Variants in RGS5 observed in about 807,000 individuals in gnomAD.
The protein encoded by RGS5 is regulator of G-protein signalling 5.
In RGS5, 20 loss-of-function variants were observed where a neutral mutation model predicts 18.9. The observed-to-expected ratio is 1.06, with a 90% CI of 0.74 to 1.54. The LOEUF (loss-of-function observed/expected upper bound fraction) is 1.54. Ranked by LOEUF, RGS5 falls within the 40% of genes most tolerant of loss-of-function variation. The pLI, the probability that RGS5 is intolerant of heterozygous loss-of-function variation, is 0.00. For synonymous variants in RGS5, 57 were observed against 76.2 expected, an observed-to-expected ratio of 0.75 and a Z score of 1.31; for missense variants, 201 against 211.8, an observed-to-expected ratio of 0.95 and a Z score of 0.32.
chr1:163,221,322 A>T (rs1471195748), upstream of RGS5, among the ~76,000 whole-genome samples: 5 of 152,006 alleles, frequency 3.3e-5, no homozygotes, highest in African/African-American at 1.2e-4. Context: ...ACGTGGTGAA[A>T]CTCCATCTCT....
At chr1:163,319,687 T>C (rs982032154) in intron 1 of RGS5, among the ~76,000 whole-genome samples, 4 of 152,184 alleles carry the variant, frequency 2.6e-5, no homozygotes, top group Admixed American at 2.6e-4. Flanking sequence ...TGGATGCTGA[T>C]AAACCATGCA....
chr1:163,211,841 C>T (rs1483189603), intron 1 of RGS5: 2 of 152,030 alleles, frequency 1.3e-5, no homozygotes, highest in Non-Finnish European at 2.9e-5. Context: ...TGTATTTATC[C>T]TCAAGGTCAG....
At chr1:163,159,689 G>T (rs1657724139) in intron 3 of RGS5, among the ~76,000 whole-genome samples, 3 of 151,842 alleles carry the variant, frequency 2.0e-5, no homozygotes, top group Non-Finnish European at 2.9e-5. Context: ...GTTGCTTTAG[G>T]GAAATTAATT....
upstream of RGS5, among the ~76,000 whole-genome samples, chr1:163,205,933 G>C (rs771409211): frequency 2.0e-5 from 3 of 152,114 alleles, no homozygotes; most frequent in Non-Finnish European, 2.9e-5. Context: ...GTGAACAGAC[G>C]TCTATTCACT....
chr1:163,190,560 G>A (rs983398623), intron 1 of RGS5, among the ~76,000 whole-genome samples: 3 of 152,136 alleles, frequency 2.0e-5, no homozygotes, highest in East Asian at 1.9e-4. Flanking sequence ...ATGGAACTGC[G>A]TGAGGAGCTG....
rs1221312842 is a variant in RGS5 at position 163,147,413 on chromosome 1, G to A, written c.475C>T (p.His159Tyr). The A allele has an allele frequency of 6.8e-6, 11 of 1,613,024 alleles. No individual in the cohort carries two copies. In the South Asian group the frequency reaches 1.2e-4, roughly 18 times the overall value. ...SSFDMAQKRI[H>Y]ALMEKDSLPR... Reference sequence around the variant, plus strand: ...AGAGAATCCTTTTCCATCAGGGCATGGATTCTTTTCTGGGCCATGTCAAAG... The same window carrying A: ...AGAGAATCCTTTTCCATCAGGGCATAGATTCTTTTCTGGGCCATGTCAAAG... Residue 159 changes from histidine (H) to tyrosine (Y), a missense_variant, in exon 5 of 5, where the codon CAT becomes TAT. Physicochemically the swap from His to Tyr is moderately conservative, Grantham distance 83. Coordinates refer to ENST00000313961, the MANE Select transcript of RGS5 (RefSeq NM_003617.4).
chr1:163,235,343 G>A (rs1647595160), intron 2 of RGS5, among the ~76,000 whole-genome samples: 1 of 152,056 alleles, frequency 6.6e-6, no homozygotes, highest in Non-Finnish European at 1.5e-5. Context: ...CCTCCAATAC[G>A]TACAATATAT....
At chr1:163,264,202 C>G (rs1409843973) in intron 2 of RGS5, among the ~76,000 whole-genome samples, 1 of 151,972 alleles carries the variant, frequency 6.6e-6, no homozygotes, top group Non-Finnish European at 1.5e-5. Context: ...CCAAGGGGTA[C>G]GATTTCATCT....
chr1:163,161,118 G>T (rs951177761), intron 3 of RGS5, among the ~76,000 whole-genome samples: 1 of 152,156 alleles, frequency 6.6e-6, no homozygotes, highest in African/African-American at 2.4e-5. Context: ...TCTATTATAG[G>T]AGAGGGAGAA....
chr1:163,261,017 G>A (rs979093802), intron 2 of RGS5, among the ~76,000 whole-genome samples: 2 of 152,220 alleles, frequency 1.3e-5, no homozygotes. Flanking sequence ...GAATGAAGTT[G>A]ACAATACAGT....
intron 2 of RGS5, among the ~76,000 whole-genome samples, chr1:163,289,344 T>C (rs1649221217): frequency 6.6e-6 from 1 of 151,954 alleles, no homozygotes; most frequent in African/African-American, 2.4e-5. Flanking sequence ...TGCCACCTCC[T>C]CCAGAAAGGA....
At chr1:163,320,672 A>G (rs1158488633) in intron 1 of RGS5, among the ~76,000 whole-genome samples, 4 of 152,086 alleles carry the variant, frequency 2.6e-5, no homozygotes, top group Non-Finnish European at 5.9e-5. Flanking sequence ...TTTAAAATCT[A>G]TTTTCTTAAT....
At chr1:163,313,430 C>T (rs1649928283) in intron 1 of RGS5, among the ~76,000 whole-genome samples, 1 of 152,090 alleles carries the variant, frequency 6.6e-6, no homozygotes, top group Non-Finnish European at 1.5e-5. Flanking sequence ...TTTATTCTCT[C>T]TTTGGAGTGA....
chr1:163,243,301 G>T (rs1434689610), intron 2 of RGS5, among the ~76,000 whole-genome samples: 4 of 152,132 alleles, frequency 2.6e-5, no homozygotes, highest in African/African-American at 9.7e-5. Flanking sequence ...GGGGTTGGGA[G>T]TAAAGGGGAG....
intron 2 of RGS5, among the ~76,000 whole-genome samples, chr1:163,224,223 C>G (rs1332611811): frequency 1.3e-5 from 2 of 152,098 alleles, no homozygotes; most frequent in African/African-American, 4.8e-5. Context: ...CTCCCCTCCC[C>G]AGCCTCCAGT....
chr1:163,143,712 A>AT lies in RGS5; in HGVS notation c.*3629dup, dbSNP rs1300767019. On this transcript the variant is annotated 3_prime_UTR_variant, in exon 5 of 5. Coordinates refer to ENST00000313961, the MANE Select transcript of RGS5 (RefSeq NM_003617.4). ...GCTAAACTCCCAGGAAAAAGGGAAAATGGCCTGCTAGGGAGAACAGTTTCA... is the reference window on the plus strand; with the variant it reads ...GCTAAACTCCCAGGAAAAAGGGAAAATTGGCCTGCTAGGGAGAACAGTTTCA... 2 of 152,146 alleles carry AT rather than the reference A, an allele frequency of 1.3e-5. No homozygotes were observed. Among genetic ancestry groups the AT allele is most frequent in the African/African-American group, 4.8e-5 (2 of 41,434 alleles). 9.4% of individuals were successfully genotyped at this position (152,146 alleles called of 1,614,324 possible).
rs574466177 is a variant in RGS5 at position 163,243,857 on chromosome 1, A to G, written c.-281+62376T>C. On this transcript the variant is annotated intron_variant, in intron 2 of 5. Transcript: ENST00000618415. ...ACACACATTGGTTTGGCAAAGACTC[A>G]GTGAATCTGAGAGATAGAATATTGT... Among the ~76,000 whole-genome samples the G allele has an allele frequency of 3.2e-3, 483 of 152,084 alleles. 1 individual carries two copies. Among genetic ancestry groups the G allele is most frequent in the African/African-American group, 0.011 (450 of 41,500 alleles).
At chr1:163,209,375 A>G (rs1660046224) in intron 1 of RGS5, among the ~76,000 whole-genome samples, 2 of 152,142 alleles carry the variant, frequency 1.3e-5, no homozygotes, top group Non-Finnish European at 2.9e-5. Flanking sequence ...ATTCTTTTCA[A>G]GTTGAACCTT....
At chr1:163,255,136 T>C (rs961085937) in intron 2 of RGS5, among the ~76,000 whole-genome samples, 1 of 152,152 alleles carries the variant, frequency 6.6e-6, no homozygotes, top group Non-Finnish European at 1.5e-5. Flanking sequence ...TGTGGGCTCT[T>C]TTTTGGTTCC....
Sources: gnomAD v4.1 joint callset for allele counts (sites outside exome capture counted in the v4.1 genomes callset) on GRCh38, gnomAD v4.1.1 for gene constraint, MANE v1.5 for transcripts, NCBI Gene and HGNC (gene_info 2026-07-23, HGNC 2026-07-21) for gene names.